MCF2: variants seen among roughly 807,000 people sequenced by gnomAD.
The protein encoded by MCF2 is MCF.2 cell line derived transforming sequence.
In MCF2, 44 loss-of-function variants were observed where a neutral mutation model predicts 82.5. The observed-to-expected ratio is 0.53, with a 90% CI of 0.42 to 0.69. The LOEUF is 0.69. Ranked by LOEUF, MCF2 falls within the 30% of genes least tolerant of loss-of-function variation. MCF2 has a pLI of 0.00. For missense variants in MCF2, 623 were observed against 663.1 expected (o/e 0.94, Z 0.66); for synonymous variants, 217 against 224.9 (o/e 0.96, Z 0.32).
At chrX:139,700,463 T>G (rs1290385891) in intron 1 of MCF2, among the ~76,000 whole-genome samples, 1 of 112,057 alleles carries the variant, frequency 8.9e-6, no homozygotes, top group African/African-American at 3.2e-5. Flanking sequence ...TCCATTTTAA[T>G]AGAATATTGA....
At position 139,602,454 on chromosome X, in the gene MCF2, G is replaced by C. The variant is rs748450229; in HGVS notation, c.1788C>G (p.Pro596=). 2.5e-6 allele frequency: 3 copies of C among 1,202,842 alleles called. No individual in the cohort carries two copies. In the East Asian group the frequency reaches 8.9e-5, roughly 36 times the overall value. Residue 596 remains proline, a synonymous_variant, in exon 16 of 25, where the codon CCC becomes CCG. Transcript: ENST00000370576. ...ACTTCCTCCAAATTGTTTCTGATCT[G>C]GGCTTATTCTGACAATATTTTGCAT...
At chrX:139,704,429 G>C (rs1182916443) in intron 1 of MCF2, among the ~76,000 whole-genome samples, 4 of 112,086 alleles carry the variant, frequency 3.6e-5, no homozygotes, top group African/African-American at 1.3e-4. Flanking sequence ...CTTAAGTAAA[G>C]TTGCAGGATA....
intron 1 of MCF2, among the ~76,000 whole-genome samples, chrX:139,701,581 C>T (rs1281719472): frequency 8.9e-6 from 1 of 111,949 alleles, no homozygotes; most frequent in African/African-American, 3.2e-5. Flanking sequence ...ATATTTCAAA[C>T]TTGCCTAGCC....
At chrX:139,650,513 T>TCTGAATA (rs2307762) in intron 2 of MCF2, among the ~76,000 whole-genome samples, 12,776 of 110,484 alleles carry the variant, frequency 0.12, 660 homozygotes, top group Admixed American at 0.22. Flanking sequence ...TTTCTTGTAC[T>TCTGAATA]CCTAAGAAGC....
At chrX:139,632,635 T>C (rs1932985659) in intron 1 of MCF2, among the ~76,000 whole-genome samples, 181 bp from the exon 5 acceptor site, 2 of 111,711 alleles carry the variant, frequency 1.8e-5, no homozygotes, top group African/African-American at 6.5e-5. Context: ...AGAAAAATAA[T>C]GTAAGGCTCC....
chrX:139,609,992 C>T (rs369134308), intron 11 of MCF2, among the ~76,000 whole-genome samples: 15 of 112,556 alleles, frequency 1.3e-4, no homozygotes, highest in African/African-American at 4.5e-4. Context: ...AAAGGTGCAA[C>T]GCTTACTTAC....
chrX:139,695,380 A>G (rs181333696), intron 1 of MCF2, among the ~76,000 whole-genome samples: 1 of 112,321 alleles, frequency 8.9e-6, no homozygotes, highest in Admixed American at 9.4e-5. Context: ...TATCTTTAAA[A>G]GTCTAATTTT....
chrX:139,630,524 G>T (rs1310004427), intron 3 of MCF2, among the ~76,000 whole-genome samples: 1 of 112,082 alleles, frequency 8.9e-6, no homozygotes, highest in Non-Finnish European at 1.9e-5. Flanking sequence ...CAAAATATTT[G>T]CTTGTTTATT....
Position 139,684,621 on chromosome X carries a change from A to T in MCF2, c.-45+23485T>A, listed in dbSNP as rs763830239. On this transcript the variant is annotated intron_variant, in intron 1 of 27. Transcript: ENST00000414978. Reference sequence around the variant, plus strand: ...TGGATAATTAAAATGTGGCACATCTATGCACTGCAATAAGATGCAGCCATT... The same window carrying T: ...TGGATAATTAAAATGTGGCACATCTTTGCACTGCAATAAGATGCAGCCATT... Among the ~76,000 whole-genome samples, 3 of 112,639 alleles carry T rather than the reference A, an allele frequency of 2.7e-5. No homozygotes were observed. The Admixed American group carries it at 2.8e-4, about 11-fold the overall frequency.
intron 1 of MCF2, 45 bp from the exon 2 acceptor site, chrX:139,651,833 C>T (rs765883694): frequency 1.9e-4 from 154 of 797,249 alleles, no homozygotes; most frequent in Non-Finnish European, 2.8e-4. Context: ...TGTTAAGGTA[C>T]AGCCTTACAT....
chrX:139,619,853 A>G, intron 6 of MCF2, 147 bp from the exon 10 acceptor site: 1 of 419,759 alleles, frequency 2.4e-6, no homozygotes. Context: ...AGAAATAGCT[A>G]TAATCTGTTA....
At chrX:139,641,171 T>TATATATATATAA (rs977774572) in intron 1 of MCF2, among the ~76,000 whole-genome samples, 1 of 105,844 alleles carries the variant, frequency 9.4e-6, no homozygotes, top group Non-Finnish European at 1.9e-5. Flanking sequence ...ACTGAGAATA[T>TATATATATATAA]ATATATATAT....
At chrX:139,659,534 T>C (rs993009098) in intron 1 of MCF2, among the ~76,000 whole-genome samples, 3 of 111,514 alleles carry the variant, frequency 2.7e-5, no homozygotes, top group African/African-American at 9.8e-5. Context: ...ACTTGAACTT[T>C]ATTTCACAGC....
At position 139,692,164 on chromosome X, in the gene MCF2, G is replaced by C. The variant is rs891702990; in HGVS notation, c.-45+15942C>G. 5 of 1,050,218 alleles carry C rather than the reference G, an allele frequency of 4.8e-6. No homozygotes were observed. The African/African-American group carries it at 7.4e-5, about 16-fold the overall frequency. The allele number at this position is 1,050,218 out of a possible 1,213,427, so 86.5% of individuals were successfully genotyped here. Reference sequence around the variant, plus strand: ...CGCCTTGGCGAACCCAGGTAGGGCCGGGCCCCTGCCGCTGCCATCCTCACG... The same window carrying C: ...CGCCTTGGCGAACCCAGGTAGGGCCCGGCCCCTGCCGCTGCCATCCTCACG... On this transcript the variant is annotated intron_variant, in intron 1 of 27. Transcript: ENST00000414978.
intron 20 of MCF2, among the ~76,000 whole-genome samples, chrX:139,589,589 C>T (rs1033644214): frequency 9.0e-6 from 1 of 111,591 alleles, no homozygotes; most frequent in Non-Finnish European, 1.9e-5. Flanking sequence ...GCTGTCAGCT[C>T]TAGTTGATAA....
chrX:139,585,263 A>C, intron 23 of MCF2, 85 bp from the exon 28 acceptor site: 1 of 541,829 alleles, frequency 1.8e-6, no homozygotes, highest in South Asian at 4.0e-5. Context: ...GTAATCCTTT[A>C]AAAAGTTGAA....
rs746618892 is a variant in MCF2, at chrX:139,699,728, T to C, written c.-45+8378A>G. On this transcript the variant is annotated intron_variant, in intron 1 of 27. Transcript: ENST00000414978. ...AATACTTCATTGTATGGCTAGACCA[T>C]ATTTTGTTTATTCATTCATCAGTTG... Among the ~76,000 whole-genome samples, 9 of 112,459 alleles carry C rather than the reference T, an allele frequency of 8.0e-5. No individual in the cohort carries two copies. The South Asian group carries it at 3.3e-3, about 41-fold the overall frequency.
intron 24 of MCF2, among the ~76,000 whole-genome samples, chrX:139,584,372 T>C (rs1928763567): frequency 9.0e-6 from 1 of 110,832 alleles, no homozygotes; most frequent in Non-Finnish European, 1.9e-5. Flanking sequence ...TGTAATTGAT[T>C]CCTCTGAAGG....
At chrX:139,691,881 G>A (rs1935276028) in intron 1 of MCF2, 3 of 1,132,989 alleles carry the variant, frequency 2.6e-6, no homozygotes, top group South Asian at 3.9e-5. Flanking sequence ...CCAGCCCGAG[G>A]CCGCCGGGGA....
Sources: gnomAD v4.1 joint callset for allele counts (sites outside exome capture counted in the v4.1 genomes callset) on GRCh38, gnomAD v4.1.1 for gene constraint, MANE v1.5 for transcripts, NCBI Gene and HGNC (gene_info 2026-07-23, HGNC 2026-07-21) for gene names.